Variants in RFC5 observed in about 807,000 individuals in gnomAD.
The protein encoded by RFC5 is A1 36 kDa subunit.
In RFC5, 26 loss-of-function variants were observed where a neutral mutation model predicts 44.3. The observed-to-expected ratio is 0.59, with a 90% CI of 0.43 to 0.81. The LOEUF is 0.81. RFC5 is among the 40% of genes least tolerant of loss of function. RFC5 has a pLI of 0.00. For missense variants in RFC5, 328 were observed against 418.6 expected (o/e 0.78, Z 1.89); for synonymous variants, 155 against 155.2 (o/e 1.00, Z 0.01).
At chr12:118,025,930 C>T in intron 7 of RFC5, 102 bp downstream of exon 7, 1 of 700,696 alleles carries the variant, frequency 1.4e-6, no homozygotes, top group Non-Finnish European at 2.5e-6. Flanking sequence ...CTCACTGCAA[C>T]CTCCGCCTCC....
Position 118,019,192 on chromosome 12 carries a change from C to G in RFC5, c.130+56C>G. 2 of 1,265,404 alleles carry G rather than the reference C, an allele frequency of 1.6e-6. No homozygotes were observed. The highest frequency in any genetic ancestry group is 1.2e-6 in the Non-Finnish European group (1 of 864,920). The allele number at this position is 1,265,404 out of a possible 1,614,324, so 78.4% of individuals were successfully genotyped here. On this transcript the variant is annotated intron_variant, in intron 2 of 10. Coordinates refer to ENST00000454402, the MANE Select transcript of RFC5 (RefSeq NM_007370.7). The surrounding 1 kb of genome is among the most constrained non-coding windows in gnomAD (Gnocchi z 4.2). Reference sequence around the variant, plus strand: ...CTGCTTGAGCGACTTGTATAAATTGCTTGGTGATGTTGTCTCTCCTAAGTA... The same window carrying G: ...CTGCTTGAGCGACTTGTATAAATTGGTTGGTGATGTTGTCTCTCCTAAGTA...
At chr12:118,038,516 G>A in the RFC5 span, 1 of 737,714 alleles carries the variant, frequency 1.4e-6, no homozygotes, top group Non-Finnish European at 2.2e-6. Flanking sequence ...CTGGGCCCAA[G>A]GGTCCAATTT....
At chr12:118,029,994 A>C (rs1006196799) in intron 10 of RFC5, among the ~76,000 whole-genome samples, 169 bp downstream of exon 10, 1 of 152,114 alleles carries the variant, frequency 6.6e-6, no homozygotes, top group African/African-American at 2.4e-5. Context: ...GAGCTGCTTA[A>C]AGAACATGGG....
At chr12:118,035,150 G>T, downstream of RFC5, 1 of 1,611,590 alleles carries the variant, frequency 6.2e-7, no homozygotes, top group Non-Finnish European at 8.5e-7. Flanking sequence ...GACCAAGAGG[G>T]CCTTGCTGCC....
At chr12:118,036,487 G>A, downstream of RFC5, 1 of 1,613,842 alleles carries the variant, frequency 6.2e-7, no homozygotes, top group East Asian at 2.2e-5. Context: ...TTAACGTGTA[G>A]GACCTCATGC....
In RFC5 at chr12:118,030,922, C is replaced by T. The variant is rs145856701; in HGVS notation, c.927-260C>T. Among the ~76,000 whole-genome samples, 17 of 152,326 alleles carry T rather than the reference C, an allele frequency of 1.1e-4. No homozygotes were observed. The East Asian group carries it at 2.7e-3, about 24-fold the overall frequency. ...CTGGGATTACAGGTGTGAACCACCA[C>T]GCCCGGCCTGATACCTAATAATTTT... On this transcript the variant is annotated intron_variant, in intron 10 of 10. Coordinates refer to ENST00000454402, the MANE Select transcript of RFC5 (RefSeq NM_007370.7).
chr12:118,038,135 A>T, the RFC5 span: 1 of 598,538 alleles, frequency 1.7e-6, no homozygotes, highest in East Asian at 3.1e-5. Flanking sequence ...AGTGCAAGTC[A>T]CAAGGGACTT....
downstream of RFC5, chr12:118,034,055 A>T: frequency 8.7e-7 from 1 of 1,151,972 alleles, no homozygotes; most frequent in Non-Finnish European, 1.3e-6. Context: ...GTACACTGGA[A>T]TCTGGTTTTG....
Position 118,019,673 on chromosome 12 carries a change from C to G in RFC5, c.172C>G (p.Leu58Val). The change falls in exon 3 of 11, where the codon CTC (leucine) becomes GTC (valine). Residue 58 changes from leucine (L) to valine (V), a missense_variant. Physicochemically the swap from Leu to Val is conservative, Grantham distance 32 (BLOSUM62 1). Transcript: ENST00000454402. The surrounding 1 kb of genome is among the most constrained non-coding windows in gnomAD (Gnocchi z 4.2). ...TGAAGACCGACTGCCACACTTGCTT[C>G]TCTACGGTCCCCCAGGGACAGGCAA... ...INEDRLPHLLLYGPPGTGKTS... is the reference protein window; with the variant it reads ...INEDRLPHLLVYGPPGTGKTS... 2 of 1,614,092 alleles carry G rather than the reference C, an allele frequency of 1.2e-6. No individual in the cohort carries two copies. The highest frequency in any genetic ancestry group is 1.7e-4 in the Middle Eastern group (1 of 6,060).
chr12:118,037,991 C>T, downstream of RFC5: 1 of 256,870 alleles, frequency 3.9e-6, no homozygotes, highest in Non-Finnish European at 7.4e-6. Flanking sequence ...TGGGCTGCAA[C>T]TTTTAAAATC....
At chr12:118,037,601 G>C (rs531250386), downstream of RFC5, among the ~76,000 whole-genome samples, 43 of 151,590 alleles carry the variant, frequency 2.8e-4, no homozygotes, top group South Asian at 8.7e-3. Context: ...CCGGGAAGCG[G>C]AGGTTGCAGT....
At position 118,032,090 on chromosome 12, in the gene RFC5, A is replaced by G. The variant is rs775393203; in HGVS notation, c.*812A>G. On this transcript the variant is annotated 3_prime_UTR_variant, in exon 11 of 11. Coordinates refer to ENST00000454402, the MANE Select transcript of RFC5 (RefSeq NM_007370.7). ...GTGTTAGTGTTCTTTATAATAAAAA[A>G]CAAAGCAGCCTCCTGGCTGGCTGTG... 22 of 152,336 alleles carry G rather than the reference A, an allele frequency of 1.4e-4. 1 individual carries two copies. Among genetic ancestry groups the G allele is most frequent in the Non-Finnish European group, 4.4e-5 (3 of 68,022 alleles). 9.4% of individuals were successfully genotyped at this position (152,336 alleles called of 1,614,324 possible). A position where few individuals can be genotyped will look rare whatever the true frequency, so the allele number is the denominator to read the frequency against.
Position 118,025,780 on chromosome 12 carries a change from A to T in RFC5, c.615A>T (p.Leu205=). The change falls in exon 7 of 11, where the codon CTA becomes CTT. Residue 205 remains leucine, a synonymous_variant. Transcript: ENST00000454402. ...TAAGTGAAGATGGAATGAAAGCACT[A>T]GTCACTCTTTCCAGTGGAGACATGC... ...VDISEDGMKA[L]VTLSSGDMRR... is the part of the protein sequence containing the mutation. The T allele has an allele frequency of 6.2e-7, 1 of 1,609,042 alleles. No individual in the cohort carries two copies. Among genetic ancestry groups the T allele is most frequent in the Non-Finnish European group, 8.5e-7 (1 of 1,177,322 alleles).
At chr12:118,031,130 A>G in intron 10 of RFC5, 52 bp from the exon 11 acceptor site, 1 of 1,298,500 alleles carries the variant, frequency 7.7e-7, no homozygotes, top group Non-Finnish European at 1.1e-6. Flanking sequence ...CCTTAAGAAA[A>G]GGCAGCTGTG....
At chr12:118,034,466 A>G, downstream of RFC5, 1 of 1,334,584 alleles carries the variant, frequency 7.5e-7, no homozygotes, top group African/African-American at 1.5e-5. Context: ...GAGACTTCGG[A>G]GAGTGAAATG....
chr12:118,017,630 A>C (rs1386211493), intron 1 of RFC5: 1 of 1,038,986 alleles, frequency 9.6e-7, no homozygotes, highest in Non-Finnish European at 1.2e-6. Context: ...GTGGTTAAAA[A>C]AAACCCAGAA....
downstream of RFC5, chr12:118,035,374 C>T (rs753449809): frequency 6.5e-7 from 1 of 1,531,372 alleles, no homozygotes. Flanking sequence ...GGCTGCTCTC[C>T]ACCCTCCATC....
intron 6 of RFC5, chr12:118,025,512 T>TCGG: frequency 2.1e-6 from 1 of 466,942 alleles, no homozygotes. Context: ...GGGAGAATGC[T>TCGG]TGTTCCTAAA....
chr12:118,036,846 T>C (rs948840298), downstream of RFC5, among the ~76,000 whole-genome samples: 6 of 152,196 alleles, frequency 3.9e-5, no homozygotes, highest in Non-Finnish European at 7.3e-5. Flanking sequence ...TCGTATGTGC[T>C]GATGAAGACC....
Sources: gnomAD v4.1 joint callset for allele counts (sites outside exome capture counted in the v4.1 genomes callset) on GRCh38, gnomAD v4.1.1 for gene constraint, Gnocchi (gnomAD v3.1) non-coding constraint, MANE v1.5 for transcripts, NCBI Gene and HGNC (gene_info 2026-07-23, HGNC 2026-07-21) for gene names.